SLC44A5: variants seen among roughly 807,000 people sequenced by gnomAD.
SLC44A5 encodes choline transporter-like protein 5.
In SLC44A5, 57 loss-of-function variants were observed where a neutral mutation model predicts 101.8. The observed-to-expected ratio is 0.56, with a 90% CI of 0.45 to 0.70. The LOEUF (loss-of-function observed/expected upper bound fraction) is 0.70. SLC44A5 is among the 30% of genes least tolerant of loss of function. SLC44A5 has a pLI of 0.00. For synonymous variants in SLC44A5, 281 were observed against 290.9 expected (o/e 0.97, Z 0.35); for missense variants, 737 against 853.1 (o/e 0.86, Z 1.70).
chr1:75,566,324 C>T (rs1287597850), intron 1 of SLC44A5, among the ~76,000 whole-genome samples: 1 of 152,094 alleles, frequency 6.6e-6, no homozygotes, highest in Non-Finnish European at 1.5e-5. Flanking sequence ...ATGAAATTAT[C>T]AATACTAATA....
the SLC44A5 span, among the ~76,000 whole-genome samples, chr1:75,705,427 T>C: frequency 5.9e-5 from 9 of 152,144 alleles, no homozygotes; most frequent in South Asian, 4.1e-4. Flanking sequence ...GGCAGTGTGG[T>C]TGGAGGGTGG....
chr1:75,389,265 A>C (rs1177693793), intron 3 of SLC44A5, among the ~76,000 whole-genome samples: 1 of 152,190 alleles, frequency 6.6e-6, no homozygotes, highest in Admixed American at 6.5e-5. Context: ...GTGTTAGATC[A>C]TCAAGGCAGA....
At chr1:75,246,978 GC>G (rs1185225683) in intron 7 of SLC44A5, among the ~76,000 whole-genome samples, 6 of 152,006 alleles carry the variant, frequency 3.9e-5, no homozygotes, top group Admixed American at 1.3e-4. Flanking sequence ...TAGGACCTTG[GC>G]TTTTCATATA....
chr1:75,486,748 T>A (rs950361475), intron 2 of SLC44A5, among the ~76,000 whole-genome samples: 3 of 152,228 alleles, frequency 2.0e-5, no homozygotes, highest in Admixed American at 6.5e-5. Flanking sequence ...TTTGACTCCA[T>A]GCCTCACATC....
intron 1 of SLC44A5, among the ~76,000 whole-genome samples, chr1:75,557,855 T>C (rs949707218): frequency 2.0e-5 from 3 of 152,144 alleles, no homozygotes; most frequent in East Asian, 3.8e-4. Flanking sequence ...TATTTATGAC[T>C]ATATTAGAAT....
chr1:75,427,749 G>A (rs1021932414), intron 2 of SLC44A5, among the ~76,000 whole-genome samples: 4 of 152,036 alleles, frequency 2.6e-5, no homozygotes, highest in East Asian at 3.8e-4. Flanking sequence ...GTCGTTGTGA[G>A]GATTAGATAT....
the SLC44A5 span, among the ~76,000 whole-genome samples, chr1:75,697,317 T>C: frequency 1.3e-5 from 2 of 152,214 alleles, no homozygotes; most frequent in African/African-American, 4.8e-5. Context: ...AAGGCCATGC[T>C]AGACATTTAA....
intron 5 of SLC44A5, among the ~76,000 whole-genome samples, chr1:75,285,200 A>G (rs943121758): frequency 6.6e-6 from 1 of 151,738 alleles, no homozygotes; most frequent in Admixed American, 6.6e-5. Context: ...CAGAGTTTCT[A>G]TTTCTTCCTG....
At chr1:75,486,361 T>C (rs985187947) in intron 2 of SLC44A5, among the ~76,000 whole-genome samples, 16 of 152,122 alleles carry the variant, frequency 1.1e-4, no homozygotes, top group Non-Finnish European at 2.1e-4. Flanking sequence ...GGGAGTGATA[T>C]TGAATAATTA....
intron 1 of SLC44A5, among the ~76,000 whole-genome samples, chr1:75,598,891 T>C (rs1189584171): frequency 1.3e-5 from 2 of 152,152 alleles, no homozygotes; most frequent in African/African-American, 4.8e-5. Flanking sequence ...AGTTCACCTA[T>C]GTAACAAACC....
the SLC44A5 span, among the ~76,000 whole-genome samples, chr1:75,621,479 G>A: frequency 6.6e-6 from 1 of 152,226 alleles, no homozygotes; most frequent in African/African-American, 2.4e-5. Flanking sequence ...GTAATTCATA[G>A]TACACAAAGC....
At chr1:75,503,568 T>C (rs545667886) in intron 2 of SLC44A5, among the ~76,000 whole-genome samples, 17 of 152,300 alleles carry the variant, frequency 1.1e-4, no homozygotes, top group Admixed American at 9.2e-4. Context: ...ATTAAACCTC[T>C]TTTCTTTATA....
chr1:75,478,375 A>T (rs1211636157), intron 2 of SLC44A5, among the ~76,000 whole-genome samples: 1 of 152,210 alleles, frequency 6.6e-6, no homozygotes, highest in Non-Finnish European at 1.5e-5. Context: ...TAACATCATA[A>T]TGACAGGATC....
chr1:75,328,353 C>T lies in SLC44A5; in HGVS notation c.101+11229G>A, dbSNP rs114442252. 5.9e-3 allele frequency among the ~76,000 whole-genome samples: 891 copies of T among 152,094 alleles called. 10 individuals are homozygous for T. The highest frequency in any genetic ancestry group is 0.02 in the African/African-American group (846 of 41,470). On this transcript the variant is annotated intron_variant, in intron 4 of 23. Transcript: ENST00000370859. ...GGTATGTTGGTCTGACACAGGAATA[C>T]GGTAAGACAGATAATATTAGTTTCT... is the stretch of plus-strand genomic sequence containing the variant.
chr1:75,226,524 C>T lies in SLC44A5; in HGVS notation c.985+1202G>A, dbSNP rs987252323. Among the ~76,000 whole-genome samples, 8 of 152,178 alleles carry T rather than the reference C, an allele frequency of 5.3e-5. No homozygotes were observed. The South Asian group carries it at 1.2e-3, about 24-fold the overall frequency. On this transcript the variant is annotated intron_variant, in intron 13 of 23. Coordinates refer to ENST00000370859, the MANE Select transcript of SLC44A5 (RefSeq NM_001130058.2). ...AATGTAGGGTGCTTTGGTGACTTAA[C>T]ATGAGCTTGTCCTTGAAAGCCTGAG... is the stretch of plus-strand genomic sequence containing the variant.
the SLC44A5 span, among the ~76,000 whole-genome samples, chr1:75,698,629 A>T: frequency 6.6e-6 from 1 of 152,250 alleles, no homozygotes; most frequent in Non-Finnish European, 1.5e-5. Flanking sequence ...GTTCCTCACC[A>T]GCAATGGAAC....
At chr1:75,723,251 A>T in the SLC44A5 span, among the ~76,000 whole-genome samples, 1 of 152,210 alleles carries the variant, frequency 6.6e-6, no homozygotes, top group Non-Finnish European at 1.5e-5. Flanking sequence ...ACCTTTCTGC[A>T]GAAAGTAAAC....
the SLC44A5 span, among the ~76,000 whole-genome samples, chr1:75,678,405 C>T: frequency 0.26 from 39,119 of 151,996 alleles, 5,370 homozygotes; most frequent in Middle Eastern, 0.36. Flanking sequence ...CAGTACGCAG[C>T]TGGAGATCTG....
chr1:75,610,938 T>C, intron 1 of SLC44A5, 102 bp downstream of exon 1: 2 of 250,620 alleles, frequency 8.0e-6, no homozygotes, highest in Non-Finnish European at 1.3e-5. Flanking sequence ...TGTGTGTGTG[T>C]GTGTGTATTT....
Sources: gnomAD v4.1 joint callset for allele counts (sites outside exome capture counted in the v4.1 genomes callset) on GRCh38, gnomAD v4.1.1 for gene constraint, MANE v1.5 for transcripts, NCBI Gene and HGNC (gene_info 2026-07-23, HGNC 2026-07-21) for gene names.